PRRX1: variants seen among roughly 807,000 people sequenced by gnomAD.
The protein encoded by PRRX1 is paired mesoderm homeobox protein 1.
PRRX1 carries 8 observed loss-of-function variants against 24.0 expected under a neutral mutation model. That is an observed-to-expected ratio of 0.33 (90% CI 0.20 to 0.60). The LOEUF is 0.60. Ranked by LOEUF, PRRX1 falls within the 20% of genes least tolerant of loss-of-function variation. The pLI is 0.82. For missense variants in PRRX1, 281 were observed against 322.4 expected (o/e 0.87, Z 0.98); for synonymous variants, 160 against 131.7 (o/e 1.22, Z -1.47).
At chr1:170,722,191 C>A (rs374477589) in intron 2 of PRRX1, among the ~76,000 whole-genome samples, 1 of 152,078 alleles carries the variant, frequency 6.6e-6, no homozygotes, top group Non-Finnish European at 1.5e-5. Context: ...GAAAGCCTAC[C>A]TTTTCCCAGT....
In PRRX1 at chr1:170,716,823, G is replaced by T. The variant is rs185699830; in HGVS notation, c.242-2903G>T. On this transcript the variant is annotated intron_variant, in intron 1 of 3. Coordinates refer to ENST00000239461, the MANE Select transcript of PRRX1 (RefSeq NM_022716.4). The stretch of plus-strand genomic sequence containing the variant: ...CTCCCCTGTATTCAACCAGAGCCAA[G>T]AATCTGATAAATGTGTTTATCACAG... Among the ~76,000 whole-genome samples the T allele has an allele frequency of 9.6e-4, 146 of 152,278 alleles. 1 individual carries two copies. Among genetic ancestry groups the T allele is most frequent in the African/African-American group, 3.2e-3 (135 of 41,556 alleles).
chr1:170,669,803 A>G (rs1653086022), intron 1 of PRRX1, among the ~76,000 whole-genome samples: 1 of 152,146 alleles, frequency 6.6e-6, no homozygotes, highest in East Asian at 1.9e-4. Flanking sequence ...GGCCGAGCTC[A>G]CTTTCAACAG....
At chr1:170,686,688 T>C (rs1218909351) in intron 1 of PRRX1, among the ~76,000 whole-genome samples, 5 of 152,212 alleles carry the variant, frequency 3.3e-5, no homozygotes, top group Non-Finnish European at 5.9e-5. Flanking sequence ...AGTCACCTTT[T>C]AATTGCCTGC....
chr1:170,681,085 A>T lies in PRRX1; in HGVS notation c.241+16626A>T, dbSNP rs74123156. On this transcript the variant is annotated intron_variant, in intron 1 of 3. Transcript: ENST00000239461. ...TTTGGGTCTCTTAATGGAAGAAGGG[A>T]ACTAAAGGGAAGAAATTAAGGTGTA... is the stretch of plus-strand genomic sequence containing the variant. Among the ~76,000 whole-genome samples the T allele has an allele frequency of 8.3e-3, 1,262 of 152,288 alleles. 17 individuals carry two copies. The highest frequency in any genetic ancestry group is 0.029 in the African/African-American group (1,218 of 41,552).
At chr1:170,702,107 C>T (rs1654405144) in intron 1 of PRRX1, among the ~76,000 whole-genome samples, 1 of 152,162 alleles carries the variant, frequency 6.6e-6, no homozygotes, top group African/African-American at 2.4e-5. Context: ...ACCTAGATCC[C>T]GCGCATGCGC....
At chr1:170,700,770 TC>T (rs1485402936) in intron 1 of PRRX1, among the ~76,000 whole-genome samples, 1 of 152,176 alleles carries the variant, frequency 6.6e-6, no homozygotes, top group African/African-American at 2.4e-5. Context: ...TTACTGACTG[TC>T]CTACCCTGGA....
In PRRX1 at chr1:170,664,353, C is replaced by T; in HGVS notation, c.135C>T (p.Ala45=). Residue 45 remains alanine (A), a synonymous_variant, in exon 1 of 4, where the codon GCC becomes GCT. Transcript: ENST00000239461. ...GTCACCTGCTAGACCTGGAGGAAGC[C>T]GGGGACATGGTGGCGGCACAGGCGG... The part of the protein sequence containing the change: ...SVSHLLDLEE[A]GDMVAAQADE... The T allele has an allele frequency of 1.2e-6, 2 of 1,613,982 alleles. No homozygotes were observed. The highest frequency in any genetic ancestry group is 1.7e-6 in the Non-Finnish European group (2 of 1,179,962).
chr1:170,663,919 A>C, upstream of PRRX1: 1 of 395,810 alleles, frequency 2.5e-6, no homozygotes. Flanking sequence ...TTAATATTGT[A>C]TTTTACTGTG....
At chr1:170,717,652 G>C (rs1204649426) in intron 1 of PRRX1, among the ~76,000 whole-genome samples, 1 of 151,646 alleles carries the variant, frequency 6.6e-6, no homozygotes, top group African/African-American at 2.4e-5. Context: ...ATGAAATTCA[G>C]ATAATTGTGC....
intron 3 of PRRX1, among the ~76,000 whole-genome samples, chr1:170,729,626 T>C (rs1376622233): frequency 6.6e-6 from 1 of 152,138 alleles, no homozygotes; most frequent in Non-Finnish European, 1.5e-5. Context: ...TAAGCCAGGA[T>C]TGTCCCTAGC....
At chr1:170,715,310 T>C (rs1654872240) in intron 1 of PRRX1, among the ~76,000 whole-genome samples, 1 of 152,204 alleles carries the variant, frequency 6.6e-6, no homozygotes. Flanking sequence ...TTCTATACCA[T>C]GACATTACTA....
chr1:170,683,001 T>A (rs1396494889), intron 1 of PRRX1, among the ~76,000 whole-genome samples: 1 of 152,092 alleles, frequency 6.6e-6, no homozygotes, highest in African/African-American at 2.4e-5. Context: ...TGGAAGATAG[T>A]AAGTGATGGG....
Position 170,664,427 on chromosome 1 carries a change from T to G in PRRX1, c.209T>G (p.Leu70Arg). 6.2e-7 allele frequency: 1 copy of G among 1,608,764 alleles called. No homozygotes were observed. Among genetic ancestry groups the G allele is most frequent in the Non-Finnish European group, 8.5e-7 (1 of 1,178,160 alleles). ...AGRSLLESPGLTSGSDTPQQD... is the reference protein window; with the variant it reads ...AGRSLLESPGRTSGSDTPQQD... ...CGGAGCCTGCTGGAGTCGCCGGGAC[T>G]CACCAGCGGCAGCGACACCCCGCAG... Residue 70 changes from leucine (L) to arginine (R), a missense_variant, in exon 1 of 4, where the codon CTC (leucine) becomes CGC (arginine). Leu to Arg is a moderately radical substitution (Grantham distance 102). Coordinates refer to ENST00000239461, the MANE Select transcript of PRRX1 (RefSeq NM_022716.4).
chr1:170,677,265 C>T (rs1653352676), intron 1 of PRRX1, among the ~76,000 whole-genome samples: 1 of 152,224 alleles, frequency 6.6e-6, no homozygotes, highest in African/African-American at 2.4e-5. Flanking sequence ...ATTTCCTCAT[C>T]TATAAAACTG....
At chr1:170,702,349 ATC>A (rs1258548226) in intron 1 of PRRX1, among the ~76,000 whole-genome samples, 1 of 152,062 alleles carries the variant, frequency 6.6e-6, no homozygotes, top group African/African-American at 2.4e-5. Flanking sequence ...GTAATTTTGT[ATC>A]TGTTATTAAC....
chr1:170,730,207 G>A (rs1655390771), intron 3 of PRRX1: 1 of 1,279,150 alleles, frequency 7.8e-7, no homozygotes, highest in Admixed American at 1.7e-5. Context: ...ATTTGATCGT[G>A]GTCATGGTGC....
Position 170,664,418 on chromosome 1 carries a change from C to A in PRRX1, c.200C>A (p.Ser67Ter), listed in dbSNP as rs753817917. The change falls in exon 1 of 4, where the codon TCG (serine) becomes TAG (stop). Residue 67 changes from serine (S) to a stop codon, truncating the protein, a stop_gained. Coordinates refer to ENST00000239461, the MANE Select transcript of PRRX1 (RefSeq NM_022716.4). LOFTEE classifies it high-confidence loss of function. Reference protein sequence around the residue: ...VGEAGRSLLESPGLTSGSDTP... With the variant: ...VGEAGRSLLE ...GAGGCTGGCCGGAGCCTGCTGGAGTCGCCGGGACTCACCAGCGGCAGCGAC... is the reference window on the plus strand; with the variant it reads ...GAGGCTGGCCGGAGCCTGCTGGAGTAGCCGGGACTCACCAGCGGCAGCGAC... 1 of 1,610,276 alleles carries A rather than the reference C, an allele frequency of 6.2e-7. No individual in the cohort carries two copies. Among genetic ancestry groups the A allele is most frequent in the Non-Finnish European group, 8.5e-7 (1 of 1,178,864 alleles).
At chr1:170,705,383 G>C (rs1269155068) in intron 1 of PRRX1, among the ~76,000 whole-genome samples, 2 of 152,110 alleles carry the variant, frequency 1.3e-5, no homozygotes, top group Non-Finnish European at 2.9e-5. Context: ...CCTGGGCTCA[G>C]GTGATCCTCC....
chr1:170,703,596 GTT>G (rs113880067), intron 1 of PRRX1, among the ~76,000 whole-genome samples: 1 of 149,546 alleles, frequency 6.7e-6, no homozygotes, highest in African/African-American at 2.5e-5. Flanking sequence ...ATATAATAGT[GTT>G]TTTTTTTTAA....
Sources: gnomAD v4.1 joint callset for allele counts (sites outside exome capture counted in the v4.1 genomes callset) on GRCh38, gnomAD v4.1.1 for gene constraint, MANE v1.5 for transcripts, NCBI Gene and HGNC (gene_info 2026-07-23, HGNC 2026-07-21) for gene names.